Variants in COL11A1 observed in about 807,000 individuals in gnomAD.
COL11A1 encodes collagen type XI alpha 1 chain.
A neutral mutation model predicts 265.2 loss-of-function variants in COL11A1; 74 were observed. That is an observed-to-expected ratio of 0.28 (90% CI 0.23 to 0.34). COL11A1 has a LOEUF of 0.34. Among genes scored for constraint, COL11A1 ranks in the 10% least tolerant of loss-of-function variants. The pLI is 1.00. For synonymous variants in COL11A1, 816 were observed against 727.6 expected, an observed-to-expected ratio of 1.12 and a Z score of -1.96; for missense variants, 2,165 against 2,263.6, an observed-to-expected ratio of 0.96 and a Z score of 0.88.
chr1:103,071,429 G>GAAA (rs71094602), intron 4 of COL11A1, among the ~76,000 whole-genome samples: 4,751 of 116,064 alleles, frequency 0.041, 99 homozygotes, highest in Middle Eastern at 0.15. Context: ...TATTTAGCAG[G>GAAA]AAAAAAAAAT....
chr1:102,882,745 A>C (rs928801337), intron 64 of COL11A1, among the ~76,000 whole-genome samples: 2 of 152,204 alleles, frequency 1.3e-5, no homozygotes, highest in African/African-American at 2.4e-5. Flanking sequence ...TGTTAGGTAA[A>C]AATTAAAGAA....
At chr1:103,036,577 A>G (rs1668388987) in intron 4 of COL11A1, among the ~76,000 whole-genome samples, 1 of 151,666 alleles carries the variant, frequency 6.6e-6, no homozygotes, top group African/African-American at 2.4e-5. Flanking sequence ...TACTAGAAAG[A>G]AACTGGAAAA....
chr1:102,888,426 T>G (rs1253434893), intron 62 of COL11A1, 151 bp downstream of exon 62: 3 of 704,072 alleles, frequency 4.3e-6, no homozygotes, highest in African/African-American at 3.6e-5. Flanking sequence ...TCTTGGCATG[T>G]AGATTTGATT....
intron 1 of COL11A1, among the ~76,000 whole-genome samples, chr1:103,091,081 T>G (rs567008536): frequency 1.3e-5 from 2 of 152,134 alleles, no homozygotes; most frequent in South Asian, 4.1e-4. Context: ...TGGACATTAA[T>G]ACACTGATAT....
intron 65 of COL11A1, 52 bp from the exon 66 acceptor site, chr1:102,879,968 C>T: frequency 3.3e-6 from 4 of 1,217,678 alleles, no homozygotes; most frequent in South Asian, 2.5e-5. Context: ...CTCTTTTATG[C>T]TACAAAGAAT....
intron 41 of COL11A1, among the ~76,000 whole-genome samples, chr1:102,954,583 G>A (rs1660183496): frequency 6.6e-6 from 1 of 152,112 alleles, no homozygotes. Flanking sequence ...CTTGGCTCAC[G>A]CCTGTAATCC....
At chr1:102,932,280 C>A (rs1245851629) in intron 46 of COL11A1, among the ~76,000 whole-genome samples, 2 of 151,990 alleles carry the variant, frequency 1.3e-5, no homozygotes, top group Non-Finnish European at 2.9e-5. Context: ...TCTTTTAGGG[C>A]AGGCCTGGTG....
At chr1:103,018,641 T>C (rs912522510) in intron 10 of COL11A1, among the ~76,000 whole-genome samples, 177 bp downstream of exon 10, 29 of 151,988 alleles carry the variant, frequency 1.9e-4, no homozygotes, top group Non-Finnish European at 3.2e-4. Context: ...ATTTAAAGAG[T>C]ATTACTTGGA....
chr1:103,023,132 G>T, intron 7 of COL11A1, 136 bp from the exon 8 acceptor site: 3 of 818,804 alleles, frequency 3.7e-6, no homozygotes, highest in Non-Finnish European at 6.0e-6. Flanking sequence ...TAAACACCTG[G>T]AAAGTAGGCT....
intron 4 of COL11A1, among the ~76,000 whole-genome samples, chr1:103,057,000 T>C (rs1171611214): frequency 6.6e-6 from 1 of 152,160 alleles, no homozygotes. Context: ...AGGTTTGAGG[T>C]TGCTGTATCA....
intron 54 of COL11A1, among the ~76,000 whole-genome samples, chr1:102,911,308 A>T (rs1403382759): frequency 6.6e-6 from 1 of 152,204 alleles, no homozygotes; most frequent in African/African-American, 2.4e-5. Context: ...AGTAAAACCC[A>T]TTCACATTCT....
chr1:102,943,957 A>G (rs1659004547), intron 42 of COL11A1, among the ~76,000 whole-genome samples: 1 of 152,092 alleles, frequency 6.6e-6, no homozygotes, highest in Non-Finnish European at 1.5e-5. Flanking sequence ...ATGAAATTAA[A>G]TTGGAGAAGG....
Position 103,108,491 on chromosome 1 carries a change from C to T in COL11A1, c.-313G>A, listed in dbSNP as rs1255198565. 2 of 589,250 alleles carry T rather than the reference C, an allele frequency of 3.4e-6. No individual in the cohort carries two copies. The highest frequency in any genetic ancestry group is 2.8e-5 in the East Asian group (1 of 35,820). 36.5% of individuals were successfully genotyped at this position (589,250 alleles called of 1,614,324 possible). On this transcript the variant is annotated 5_prime_UTR_variant, in exon 1 of 67. Transcript: ENST00000370096. Reference sequence around the variant, plus strand: ...GGCTTCCACCAACAAGCTGAGAGTACTGTGTGCCCCTAAAGGCTTCATGCC... The same window carrying T: ...GGCTTCCACCAACAAGCTGAGAGTATTGTGTGCCCCTAAAGGCTTCATGCC...
At chr1:103,107,997 G>T in intron 1 of COL11A1, 76 bp downstream of exon 1, 2 of 1,041,466 alleles carry the variant, frequency 1.9e-6, no homozygotes, top group Non-Finnish European at 3.0e-6. Context: ...GGGAGGAAGG[G>T]TAAAGTGGGG....
At chr1:103,033,889 C>T (rs1190306848) in intron 4 of COL11A1, among the ~76,000 whole-genome samples, 2 of 152,058 alleles carry the variant, frequency 1.3e-5, no homozygotes, top group Non-Finnish European at 2.9e-5. Context: ...CGACTTCAGC[C>T]TCCTAATTAG....
chr1:102,914,079 A>T (rs1440950389), intron 52 of COL11A1, among the ~76,000 whole-genome samples: 1 of 152,186 alleles, frequency 6.6e-6, no homozygotes, highest in Non-Finnish European at 1.5e-5. Flanking sequence ...TAATGATGCT[A>T]CTCAGATAAC....
intron 5 of COL11A1, among the ~76,000 whole-genome samples, chr1:103,028,444 T>C (rs1667729450): frequency 6.6e-6 from 1 of 152,186 alleles, no homozygotes; most frequent in African/African-American, 2.4e-5. Flanking sequence ...ATATTCGCAA[T>C]ATATATACAT....
chr1:103,079,897 A>C (rs1672264984), intron 2 of COL11A1, among the ~76,000 whole-genome samples: 1 of 151,942 alleles, frequency 6.6e-6, no homozygotes, highest in African/African-American at 2.4e-5. Context: ...AAGAAATATG[A>C]TTATGTCTGG....
At chr1:103,107,199 C>A (rs968784345) in intron 1 of COL11A1, among the ~76,000 whole-genome samples, 2 of 152,050 alleles carry the variant, frequency 1.3e-5, no homozygotes, top group Non-Finnish European at 2.9e-5. Context: ...GACTTCCGAG[C>A]AGGTCTGGCC....
Sources: gnomAD v4.1 joint callset for allele counts (sites outside exome capture counted in the v4.1 genomes callset) on GRCh38, gnomAD v4.1.1 for gene constraint, MANE v1.5 for transcripts, NCBI Gene and HGNC (gene_info 2026-07-23, HGNC 2026-07-21) for gene names.